POLR2J: variants seen among roughly 807,000 people sequenced by gnomAD.
The protein encoded by POLR2J is DNA-directed RNA polymerase II subunit RPB11-a.
In POLR2J, 12 loss-of-function variants were observed where a neutral mutation model predicts 13.4. The observed-to-expected ratio is 0.90, with a 90% CI of 0.57 to 1.45. The LOEUF is 1.45. Among genes scored for constraint, POLR2J ranks in the 40% most tolerant of loss-of-function variants. The probability of loss-of-function intolerance (pLI) is 0.00; values close to 1 mark genes in which losing one functional copy is unlikely to be tolerated. For synonymous variants in POLR2J, 31 were observed against 53.6 expected (o/e 0.58, Z 1.84); for missense variants, 58 against 132.0 (o/e 0.44, Z 2.75).
Position 102,478,793 on chromosome 7 carries a change from G to T in POLR2J, c.53+15C>A, listed in dbSNP as rs1455744722. The T allele has an allele frequency of 8.1e-6, 13 of 1,610,510 alleles. No individual in the cohort carries two copies. In the African/African-American group the frequency reaches 1.6e-4, roughly 20 times the overall value. On this transcript the variant is annotated intron_variant, in intron 1 of 3. Coordinates refer to ENST00000292614, the MANE Select transcript of POLR2J (RefSeq NM_006234.6). ...GGCCCGCGCACCTCGGCCCGCCGCA[G>T]CCGGCGTCACTTACTTCTTCTCGCC...
chr7:102,475,601 G>T (rs1296743256), intron 2 of POLR2J, among the ~76,000 whole-genome samples: 14 of 152,256 alleles, frequency 9.2e-5, no homozygotes, highest in African/African-American at 3.4e-4. Flanking sequence ...GGAATCTGCT[G>T]CTCGTTCATT....
rs998911641 is a variant in POLR2J, at chr7:102,475,100, A to G, written c.144-565T>C. Among the ~76,000 whole-genome samples the G allele has an allele frequency of 6.6e-5, 10 of 152,164 alleles. 1 individual carries two copies. Among genetic ancestry groups the G allele is most frequent in the Non-Finnish European group, 1.5e-5 (1 of 68,000 alleles). On this transcript the variant is annotated intron_variant, in intron 2 of 3. Transcript: ENST00000292614. ...TGAGCACCACAAGGGGGACCCGTGC[A>G]TAGGTGGCAACACTGAGCTCAAGAG...
Position 102,473,556 on chromosome 7 carries a change from G to C in POLR2J, c.*93C>G, listed in dbSNP as rs1235955554. On this transcript the variant is annotated 3_prime_UTR_variant, in exon 4 of 4. Coordinates refer to ENST00000292614, the MANE Select transcript of POLR2J (RefSeq NM_006234.6). ...TGGCCACAAGGCGGGCCATGGCTGGGACCGGCCGCTCTCCTCGGTGTGGTA... is the reference window on the plus strand; with the variant it reads ...TGGCCACAAGGCGGGCCATGGCTGGCACCGGCCGCTCTCCTCGGTGTGGTA... 3 of 1,279,544 alleles carry C rather than the reference G, an allele frequency of 2.3e-6. No homozygotes were observed. The highest frequency in any genetic ancestry group is 2.0e-6 in the Non-Finnish European group (2 of 1,002,074). The allele number at this position is 1,279,544 out of a possible 1,614,324, so 79.3% of individuals were successfully genotyped here.
At chr7:102,473,912 A>T in intron 3 of POLR2J, 1 of 1,435,072 alleles carries the variant, frequency 7.0e-7, no homozygotes, top group East Asian at 2.5e-5. Flanking sequence ...TGGTGAGCAG[A>T]CGACTCAGAC....
chr7:102,475,474 A>C (rs927988267), intron 2 of POLR2J, among the ~76,000 whole-genome samples: 1 of 152,212 alleles, frequency 6.6e-6, no homozygotes, highest in African/African-American at 2.4e-5. Flanking sequence ...AGTCTCTGCC[A>C]CATACATCTT....
At chr7:102,473,979 C>T (rs559141556) in intron 3 of POLR2J, 167 of 1,434,042 alleles carry the variant, frequency 1.2e-4, no homozygotes, top group Middle Eastern at 5.2e-4. Context: ...GATTCCCATG[C>T]GCCCTGCCAG....
At position 102,476,217 on chromosome 7, in the gene POLR2J, T is replaced by G. The variant is rs1012203540; in HGVS notation, c.107A>C (p.Asn36Thr). 1 of 886,340 alleles carries G rather than the reference T, an allele frequency of 1.1e-6. No individual in the cohort carries two copies. Among genetic ancestry groups the G allele is most frequent in the African/African-American group, 1.7e-5 (1 of 58,300 alleles). The allele number at this position is 886,340 out of a possible 1,614,324, so 54.9% of individuals were successfully genotyped here. A position where few individuals can be genotyped will look rare whatever the true frequency, so the allele number is the denominator to read the frequency against. Residue 36 changes from asparagine (N) to threonine (T), a missense_variant, in exon 2 of 4, where the codon AAC (asparagine) becomes ACC (threonine). Physicochemically the swap from Asn to Thr is moderately conservative, Grantham distance 65 (BLOSUM62 0). This residue lies in a region of POLR2J where 23 missense variants were observed against 52.6 expected (regional missense o/e 0.44). Coordinates refer to ENST00000292614, the MANE Select transcript of POLR2J (RefSeq NM_006234.6). ...KVPNACLFTI[N>T]KEDHTLGNII... ...GTTTCCCAGTGTGTGGTCTTCTTTG[T>G]TGATGGTGAATAAACAGGCATTGGG...
intron 3 of POLR2J, chr7:102,474,055 A>G (rs1246117077): frequency 3.6e-6 from 5 of 1,403,758 alleles, no homozygotes; most frequent in African/African-American, 2.9e-5. Flanking sequence ...GGCCTTGCCA[A>G]TCACCAACAA....
intron 1 of POLR2J, among the ~76,000 whole-genome samples, chr7:102,478,490 G>A (rs962449571): frequency 5.3e-5 from 8 of 151,958 alleles, no homozygotes; most frequent in Non-Finnish European, 1.0e-4. Context: ...GGTGGCGGGC[G>A]AGAGACAAAA....
In POLR2J at chr7:102,473,537, C is replaced by CACGTCGGTGTCAGGGTGAGGGGTGGCCAA; in HGVS notation, c.*111_*112insTTGGCCACCCCTCACCCTGACACCGACGT. 3.7e-6 allele frequency: 4 copies of CACGTCGGTGTCAGGGTGAGGGGTGGCCAA among 1,086,208 alleles called. No individual in the cohort carries two copies. Among genetic ancestry groups the CACGTCGGTGTCAGGGTGAGGGGTGGCCAA allele is most frequent in the Non-Finnish European group, 3.5e-6 (3 of 856,392 alleles). The allele number at this position is 1,086,208 out of a possible 1,614,324, so 67.3% of individuals were successfully genotyped here. On this transcript the variant is annotated 3_prime_UTR_variant, in exon 4 of 4. Transcript: ENST00000292614. ...TCGGTGTCAGGGTGAGGGGTGGCCA[C>CACGTCGGTGTCAGGGTGAGGGGTGGCCAA]AAGGCGGGCCATGGCTGGGACCGGC... is the stretch of plus-strand genomic sequence containing the variant.
Position 102,476,074 on chromosome 7 carries a change from G to T in POLR2J, c.143+107C>A, listed in dbSNP as rs1586751193. The T allele has an allele frequency of 5.0e-6, 3 of 594,316 alleles. No homozygotes were observed. In the East Asian group the frequency reaches 8.9e-5, roughly 18 times the overall value. 36.8% of individuals were successfully genotyped at this position (594,316 alleles called of 1,614,324 possible). On this transcript the variant is annotated intron_variant, in intron 2 of 3. Transcript: ENST00000292614. ...ATAAAATGCCCAGAGCAAGCCCCCA[G>T]AAGGACTTCCTGTAGCTCAGAGAGA...
At position 102,478,662 on chromosome 7, in the gene POLR2J, C is replaced by T. The variant is rs572509563; in HGVS notation, c.53+146G>A. ...ACACACTCGCGACTGCCTCGCGGAA[C>T]GGCCTTAAATTTGGCTGACACAGGC... On this transcript the variant is annotated intron_variant, in intron 1 of 3. Coordinates refer to ENST00000292614, the MANE Select transcript of POLR2J (RefSeq NM_006234.6). 7.7e-5 allele frequency: 111 copies of T among 1,444,426 alleles called. 1 individual carries two copies. In the East Asian group the frequency reaches 2.7e-3, roughly 35 times the overall value. The allele number at this position is 1,444,426 out of a possible 1,614,324, so 89.5% of individuals were successfully genotyped here.
rs1798302670 is a variant in POLR2J, at chr7:102,473,536, A to C, written c.*113T>G. ...GTCGGTGTCAGGGTGAGGGGTGGCC[A>C]CAAGGCGGGCCATGGCTGGGACCGG... is the stretch of plus-strand genomic sequence containing the variant. On this transcript the variant is annotated 3_prime_UTR_variant, in exon 4 of 4. Transcript: ENST00000292614. 1.9e-5 allele frequency: 29 copies of C among 1,512,838 alleles called. No individual in the cohort carries two copies. The highest frequency in any genetic ancestry group is 2.5e-5 in the Non-Finnish European group (28 of 1,122,956). 93.7% of individuals were successfully genotyped at this position (1,512,838 alleles called of 1,614,324 possible). A position where few individuals can be genotyped will look rare whatever the true frequency, so the allele number is the denominator to read the frequency against.
At chr7:102,478,014 G>A (rs1347936929) in intron 1 of POLR2J, among the ~76,000 whole-genome samples, 2 of 109,826 alleles carry the variant, frequency 1.8e-5, no homozygotes, top group African/African-American at 6.5e-5. Flanking sequence ...ACGGAGTTTC[G>A]CTCTTGTTGC....
Position 102,475,490 on chromosome 7 carries a change from C to T in POLR2J, c.143+691G>A, listed in dbSNP as rs1332792917. 6.0e-4 allele frequency among the ~76,000 whole-genome samples: 92 copies of T among 152,298 alleles called. 2 individuals are homozygous for T. Among genetic ancestry groups the T allele is most frequent in the Middle Eastern group, 3.4e-3 (1 of 294 alleles). On this transcript the variant is annotated intron_variant, in intron 2 of 3. Coordinates refer to ENST00000292614, the MANE Select transcript of POLR2J (RefSeq NM_006234.6). Reference sequence around the variant, plus strand: ...GTCTCTGCCACATACATCTTAGAGGCCCAGGTGGCACTGAGGTCACAAACG... The same window carrying T: ...GTCTCTGCCACATACATCTTAGAGGTCCAGGTGGCACTGAGGTCACAAACG...
At chr7:102,476,489 A>C (rs1486971731) in intron 1 of POLR2J, among the ~76,000 whole-genome samples, 2 of 150,432 alleles carry the variant, frequency 1.3e-5, no homozygotes, top group African/African-American at 2.5e-5. Context: ...AGAAAAAAAA[A>C]ATTAGCTGAG....
At position 102,473,433 on chromosome 7, in the gene POLR2J, C is replaced by T; in HGVS notation, c.*216G>A. The T allele has an allele frequency of 1.5e-6, 1 of 684,162 alleles. No individual in the cohort carries two copies. The highest frequency in any genetic ancestry group is 2.3e-6 in the Non-Finnish European group (1 of 430,964). 42.4% of individuals were successfully genotyped at this position (684,162 alleles called of 1,614,324 possible). A position where few individuals can be genotyped will look rare whatever the true frequency, so the allele number is the denominator to read the frequency against. On this transcript the variant is annotated 3_prime_UTR_variant, in exon 4 of 4. Transcript: ENST00000292614. ...GACAATCCATTTGCTTGCGAAGTCA[C>T]CGCTGCTCAAGTCCACATCCAGGTC...
In POLR2J at chr7:102,473,559, C is replaced by CG; in HGVS notation, c.*89dup. 1 of 1,317,736 alleles carries CG rather than the reference C, an allele frequency of 7.6e-7. No individual in the cohort carries two copies. Among genetic ancestry groups the CG allele is most frequent in the South Asian group, 1.6e-5 (1 of 61,756 alleles). 81.6% of individuals were successfully genotyped at this position (1,317,736 alleles called of 1,614,324 possible). ...CCACAAGGCGGGCCATGGCTGGGAC[C>CG]GGCCGCTCTCCTCGGTGTGGTACCT... On this transcript the variant is annotated 3_prime_UTR_variant, in exon 4 of 4. Coordinates refer to ENST00000292614, the MANE Select transcript of POLR2J (RefSeq NM_006234.6).
chr7:102,473,497 T>G lies in POLR2J; in HGVS notation c.*152A>C. The G allele has an allele frequency of 1.1e-6, 1 of 944,584 alleles. No individual in the cohort carries two copies. The highest frequency in any genetic ancestry group is 1.4e-6 in the Non-Finnish European group (1 of 702,786). The allele number at this position is 944,584 out of a possible 1,614,324, so 58.5% of individuals were successfully genotyped here. A position where few individuals can be genotyped will look rare whatever the true frequency, so the allele number is the denominator to read the frequency against. On this transcript the variant is annotated 3_prime_UTR_variant, in exon 4 of 4. Coordinates refer to ENST00000292614, the MANE Select transcript of POLR2J (RefSeq NM_006234.6). ...TTTATTAGGAATATAAAACCTAATC[T>G]ATGTACAGGACACGTCGGTGTCAGG...
Sources: gnomAD v4.1 joint callset for allele counts (sites outside exome capture counted in the v4.1 genomes callset) on GRCh38, gnomAD v4.1.1 for gene constraint, gnomAD v4.1.1 regional missense constraint, MANE v1.5 for transcripts, NCBI Gene and HGNC (gene_info 2026-07-23, HGNC 2026-07-21) for gene names.